Variants in NRXN3 observed in about 807,000 individuals in gnomAD.
NRXN3 encodes the protein neurexin III.
In NRXN3, 32 loss-of-function variants were observed where a neutral mutation model predicts 137.6. The observed-to-expected ratio is 0.23, with a 90% CI of 0.18 to 0.31. The LOEUF (loss-of-function observed/expected upper bound fraction) is 0.31. Ranked by LOEUF, NRXN3 falls within the 10% of genes least tolerant of loss-of-function variation. The pLI, the probability that NRXN3 is intolerant of heterozygous loss-of-function variation, is 1.00. For synonymous variants in NRXN3, 798 were observed against 784.5 expected, an observed-to-expected ratio of 1.02 and a Z score of -0.29; for missense variants, 1,574 against 2,062.5, an observed-to-expected ratio of 0.76 and a Z score of 4.59.
At chr14:79,718,224 G>T (rs2098830273) in intron 19 of NRXN3, among the ~76,000 whole-genome samples, 1 of 152,088 alleles carries the variant, frequency 6.6e-6, no homozygotes, top group Admixed American at 6.5e-5. Flanking sequence ...GTGAAGTCTG[G>T]GGGAAGAACA....
intron 16 of NRXN3, among the ~76,000 whole-genome samples, chr14:79,601,226 A>G (rs1398381435): frequency 6.6e-6 from 1 of 151,942 alleles, no homozygotes; most frequent in African/African-American, 2.4e-5. Context: ...TATTTTTAGT[A>G]GAGACGGGGT....
At chr14:79,683,573 A>C (rs899209527) in intron 17 of NRXN3, among the ~76,000 whole-genome samples, 6 of 152,190 alleles carry the variant, frequency 3.9e-5, no homozygotes, top group African/African-American at 7.2e-5. Flanking sequence ...AAATAATAAA[A>C]GTAAAATTTA....
intron 4 of NRXN3, among the ~76,000 whole-genome samples, chr14:78,328,930 A>G (rs1342944086): frequency 6.6e-6 from 1 of 152,162 alleles, no homozygotes; most frequent in Non-Finnish European, 1.5e-5. Flanking sequence ...CATTTGGGGT[A>G]GGGGTGGGGA....
In NRXN3 at chr14:78,743,290, T is replaced by C. The variant is rs116487198; in HGVS notation, c.2044+28151T>C. On this transcript the variant is annotated intron_variant, in intron 8 of 20. Transcript: ENST00000335750. ...GACAAGATGATCTTTATGCTCTATT[T>C]GGTGTTTGAATTATAGAATGCTTCA... Among the ~76,000 whole-genome samples the C allele has an allele frequency of 8.9e-3, 1,355 of 152,346 alleles. 25 individuals carry two copies. Among genetic ancestry groups the C allele is most frequent in the African/African-American group, 0.031 (1,300 of 41,574 alleles).
At chr14:79,240,219 C>G in intron 15 of NRXN3, among the ~76,000 whole-genome samples, 1 of 152,120 alleles carries the variant, frequency 6.6e-6, no homozygotes, top group Middle Eastern at 3.4e-3. Flanking sequence ...TTAAATTTTA[C>G]TTTCATAAGA....
At chr14:79,510,392 A>G (rs1250161764) in intron 16 of NRXN3, among the ~76,000 whole-genome samples, 2 of 152,218 alleles carry the variant, frequency 1.3e-5, no homozygotes, top group Non-Finnish European at 2.9e-5. Context: ...GCATGGGTAG[A>G]GGATGACATA....
chr14:79,610,072 A>C (rs1016449704), intron 16 of NRXN3, among the ~76,000 whole-genome samples: 1 of 152,198 alleles, frequency 6.6e-6, no homozygotes, highest in Admixed American at 6.5e-5. Flanking sequence ...CGTTCTGTAC[A>C]TGTATCCCAG....
intron 8 of NRXN3, among the ~76,000 whole-genome samples, chr14:78,764,945 A>T (rs931569238): frequency 6.6e-6 from 1 of 152,184 alleles, no homozygotes; most frequent in Admixed American, 6.5e-5. Context: ...CTTGCAAACA[A>T]TTCATAAATC....
intron 4 of NRXN3, among the ~76,000 whole-genome samples, chr14:78,344,209 C>A (rs2082450811): frequency 6.6e-6 from 1 of 152,220 alleles, no homozygotes; most frequent in African/African-American, 2.4e-5. Context: ...AAAATGCACA[C>A]ACATGTGGGT....
chr14:79,489,821 C>T (rs574363246), intron 16 of NRXN3, among the ~76,000 whole-genome samples: 44 of 151,994 alleles, frequency 2.9e-4, no homozygotes, highest in African/African-American at 1.0e-3. Flanking sequence ...GGGCGGATCA[C>T]GAGCTCAGGA....
chr14:78,297,269 G>T (rs2076435829), intron 3 of NRXN3, among the ~76,000 whole-genome samples: 1 of 152,124 alleles, frequency 6.6e-6, no homozygotes, highest in South Asian at 2.1e-4. Context: ...GAACTTATTT[G>T]ATACATTCCA....
intron 17 of NRXN3, among the ~76,000 whole-genome samples, chr14:79,688,546 G>T (rs775111330): frequency 1.3e-5 from 2 of 152,024 alleles, no homozygotes; most frequent in African/African-American, 4.8e-5. Context: ...AATAAATTTC[G>T]AGTCTCACCT....
At chr14:79,002,588 T>A (rs1031227850) in intron 15 of NRXN3, among the ~76,000 whole-genome samples, 1 of 151,948 alleles carries the variant, frequency 6.6e-6, no homozygotes, top group African/African-American at 2.4e-5. Context: ...GTGGTGTATA[T>A]GTATCACATT....
intron 6 of NRXN3, among the ~76,000 whole-genome samples, chr14:78,667,788 C>CT (rs561676051): frequency 4.7e-4 from 71 of 150,188 alleles, no homozygotes; most frequent in African/African-American, 1.1e-3. Flanking sequence ...GATAGATTAT[C>CT]TTTTTTTTTT....
At chr14:78,578,702 G>T (rs976249387) in intron 4 of NRXN3, among the ~76,000 whole-genome samples, 1 of 152,148 alleles carries the variant, frequency 6.6e-6, no homozygotes, top group Non-Finnish European at 1.5e-5. Flanking sequence ...ATATTGTTCT[G>T]ATCTAAAGTC....
chr14:79,280,509 G>C, intron 15 of NRXN3: 2 of 1,613,020 alleles, frequency 1.2e-6, no homozygotes, highest in Non-Finnish European at 8.5e-7. Context: ...TCTATCTATC[G>C]TTCCCCTGTT....
chr14:79,407,456 A>G (rs1445022520), intron 15 of NRXN3, among the ~76,000 whole-genome samples: 1 of 152,148 alleles, frequency 6.6e-6, no homozygotes, highest in Non-Finnish European at 1.5e-5. Context: ...AAGAATAATG[A>G]TTAAAAAGAA....
At chr14:78,189,982 G>A (rs184332704) in intron 1 of NRXN3, among the ~76,000 whole-genome samples, 7 of 152,294 alleles carry the variant, frequency 4.6e-5, no homozygotes, top group East Asian at 1.9e-4. Flanking sequence ...ACCATCTGAC[G>A]TGTTACACAT....
intron 4 of NRXN3, among the ~76,000 whole-genome samples, chr14:78,314,989 TTCTCTTTC>T (rs1338460609): frequency 2.9e-5 from 2 of 68,300 alleles, no homozygotes; most frequent in African/African-American, 1.9e-4. Context: ...CTTCCTTCCT[TTCTCTTTC>T]TTTCTTTCTT....
Sources: gnomAD v4.1 joint callset for allele counts (sites outside exome capture counted in the v4.1 genomes callset) on GRCh38, gnomAD v4.1.1 for gene constraint, MANE v1.5 for transcripts, NCBI Gene and HGNC (gene_info 2026-07-23, HGNC 2026-07-21) for gene names.